Variants in COL25A1 observed in about 807,000 individuals in gnomAD.
COL25A1 encodes collagen type XXV alpha 1 chain, also known as collagen alpha-1(XXV) chain.
A neutral mutation model predicts 128.4 loss-of-function variants in COL25A1; 103 were observed. The ratio of observed to expected loss-of-function variants is 0.80; its 90% CI spans 0.68 to 0.94. The LOEUF (loss-of-function observed/expected upper bound fraction) is 0.94, where lower values mean the gene tolerates loss of function less well. Among genes scored for constraint, COL25A1 ranks in the 40% least tolerant of loss-of-function variants. The pLI is 0.00. For synonymous variants in COL25A1, 279 were observed against 277.2 expected, an observed-to-expected ratio of 1.01 and a Z score of -0.06; for missense variants, 745 against 840.0, an observed-to-expected ratio of 0.89 and a Z score of 1.40.
At chr4:108,861,679 A>G (rs549526258) in intron 22 of COL25A1, among the ~76,000 whole-genome samples, 46 of 152,332 alleles carry the variant, frequency 3.0e-4, no homozygotes, top group Non-Finnish European at 5.9e-4. Flanking sequence ...GGAATAGTCC[A>G]AGCCCTCAAA....
chr4:109,151,108 T>A (rs1316251876), intron 3 of COL25A1, among the ~76,000 whole-genome samples: 1 of 152,142 alleles, frequency 6.6e-6, no homozygotes, highest in Non-Finnish European at 1.5e-5. Context: ...ATGGTATTTA[T>A]CACTTAGTAA....
chr4:109,155,184 T>C (rs973473566), intron 3 of COL25A1, among the ~76,000 whole-genome samples: 1 of 152,208 alleles, frequency 6.6e-6, no homozygotes, highest in African/African-American at 2.4e-5. Context: ...TAAGAGTTAT[T>C]TGGCACTGTT....
intron 19 of COL25A1, among the ~76,000 whole-genome samples, chr4:108,873,534 G>T (rs1035400815): frequency 8.9e-6 from 1 of 111,746 alleles, no homozygotes; most frequent in Non-Finnish European, 1.9e-5. Flanking sequence ...AGTAGTAGTA[G>T]TAGTAGTAGT....
intron 19 of COL25A1, among the ~76,000 whole-genome samples, chr4:108,876,033 C>T (rs1269286422): frequency 6.6e-6 from 1 of 151,764 alleles, no homozygotes; most frequent in Admixed American, 6.6e-5. Flanking sequence ...GGACACAGGG[C>T]GGGGAACACC....
At chr4:109,281,018 T>C (rs1040763637) in intron 3 of COL25A1, among the ~76,000 whole-genome samples, 2 of 152,114 alleles carry the variant, frequency 1.3e-5, no homozygotes, top group Admixed American at 6.5e-5. Flanking sequence ...ATAACAGATA[T>C]AAATATGTAG....
intron 6 of COL25A1, among the ~76,000 whole-genome samples, chr4:109,001,640 A>G (rs1010066159): frequency 3.3e-5 from 5 of 152,188 alleles, no homozygotes; most frequent in Admixed American, 1.3e-4. Flanking sequence ...ATTATCAGAG[A>G]ACTAAGGCAT....
intron 3 of COL25A1, among the ~76,000 whole-genome samples, chr4:109,293,694 A>C (rs1189853792): frequency 6.6e-6 from 1 of 152,146 alleles, no homozygotes; most frequent in African/African-American, 2.4e-5. Context: ...GTCTACATCT[A>C]CTAAATATGA....
chr4:109,187,715 AG>A (rs1181090405), intron 3 of COL25A1, among the ~76,000 whole-genome samples: 1 of 152,192 alleles, frequency 6.6e-6, no homozygotes, highest in Non-Finnish European at 1.5e-5. Context: ...GTGATAATGC[AG>A]GCTGCAATGG....
chr4:108,911,072 A>G (rs1744160175), intron 13 of COL25A1, among the ~76,000 whole-genome samples: 1 of 152,184 alleles, frequency 6.6e-6, no homozygotes, highest in Non-Finnish European at 1.5e-5. Flanking sequence ...TATTTTTAAT[A>G]CAAATCTCAA....
At chr4:109,153,650 T>C (rs1322281740) in intron 3 of COL25A1, among the ~76,000 whole-genome samples, 1 of 152,204 alleles carries the variant, frequency 6.6e-6, no homozygotes. Flanking sequence ...TTGAATATAC[T>C]AGAAAAGGGA....
intron 31 of COL25A1, among the ~76,000 whole-genome samples, chr4:108,837,180 G>A (rs1733911265): frequency 6.6e-6 from 1 of 152,152 alleles, no homozygotes; most frequent in South Asian, 2.1e-4. Flanking sequence ...ATGTATGTAA[G>A]GCACTTGCTA....
chr4:108,813,270 T>C lies in COL25A1; in HGVS notation c.*657A>G, dbSNP rs895663538. 8 of 152,200 alleles carry C rather than the reference T, an allele frequency of 5.3e-5. No homozygotes were observed. The highest frequency in any genetic ancestry group is 1.0e-4 in the Non-Finnish European group (7 of 68,062). 9.4% of individuals were successfully genotyped at this position (152,200 alleles called of 1,614,324 possible). ...AACTCCCTCAAAATACAAGACAAATTGTGTGTGTGCTCTCCGCCACCTTAT... is the reference window on the plus strand; with the variant it reads ...AACTCCCTCAAAATACAAGACAAATCGTGTGTGTGCTCTCCGCCACCTTAT... On this transcript the variant is annotated 3_prime_UTR_variant, in exon 38 of 38. Transcript: ENST00000399132.
intron 3 of COL25A1, among the ~76,000 whole-genome samples, chr4:109,250,327 A>G (rs1447767019): frequency 6.9e-6 from 1 of 145,674 alleles, no homozygotes; most frequent in Non-Finnish European, 1.5e-5. Flanking sequence ...CTTACTAACC[A>G]TATGTATTAG....
chr4:108,988,934 C>T (rs964147509), intron 6 of COL25A1, among the ~76,000 whole-genome samples: 8 of 152,170 alleles, frequency 5.3e-5, no homozygotes, highest in African/African-American at 1.7e-4. Context: ...CCCCTCTACA[C>T]ACTCTCTGGG....
chr4:109,065,047 G>A (rs866064482), intron 3 of COL25A1, among the ~76,000 whole-genome samples: 26 of 152,176 alleles, frequency 1.7e-4, no homozygotes, highest in African/African-American at 5.3e-4. Flanking sequence ...ACAAGAACTC[G>A]GGAGTCATAA....
intron 3 of COL25A1, among the ~76,000 whole-genome samples, chr4:109,133,814 T>C (rs990693322): frequency 2.6e-5 from 4 of 152,054 alleles, no homozygotes; most frequent in Non-Finnish European, 4.4e-5. Flanking sequence ...CTATTAAACA[T>C]TGGAAATAAA....
At chr4:108,932,924 C>G (rs1361932976) in intron 11 of COL25A1, among the ~76,000 whole-genome samples, 2 of 152,180 alleles carry the variant, frequency 1.3e-5, no homozygotes, top group African/African-American at 4.8e-5. Context: ...TACAGCAGCT[C>G]TCTCCTTATT....
intron 18 of COL25A1, among the ~76,000 whole-genome samples, chr4:108,886,443 T>TG (rs1740783551): frequency 1.2e-4 from 1 of 8,084 alleles, no homozygotes; most frequent in African/African-American, 5.4e-4. Flanking sequence ...TATGAGATTT[T>TG]GTGTGTGTGT....
chr4:108,999,124 TTAAAC>T (rs1420802039), intron 6 of COL25A1, among the ~76,000 whole-genome samples: 1 of 152,076 alleles, frequency 6.6e-6, no homozygotes, highest in African/African-American at 2.4e-5. Flanking sequence ...TGGGATCTAA[TTAAAC>T]TAAAGAGCTT....
Sources: allele counts gnomAD v4.1 joint callset (sites outside exome capture counted in the v4.1 genomes callset), GRCh38; gene constraint gnomAD v4.1.1; transcripts MANE v1.5; gene names NCBI Gene and HGNC (gene_info 2026-07-23, HGNC 2026-07-21).